STX8: variants seen among roughly 807,000 people sequenced by gnomAD.
STX8 encodes syntaxin 8.
In STX8, 23 loss-of-function variants were observed where a neutral mutation model predicts 37.5. The ratio of observed to expected loss-of-function variants is 0.61; its 90% confidence interval spans 0.44 to 0.87. The LOEUF (loss-of-function observed/expected upper bound fraction) is 0.87. Among genes scored for constraint, STX8 ranks in the 40% least tolerant of loss-of-function variants. STX8 has a pLI of 0.00. For synonymous variants in STX8, 115 were observed against 99.1 expected (o/e 1.16, Z -0.95); for missense variants, 313 against 284.7 (o/e 1.10, Z -0.71).
At chr17:9,260,394 C>T (rs761015845) in intron 7 of STX8, among the ~76,000 whole-genome samples, 3 of 152,082 alleles carry the variant, frequency 2.0e-5, no homozygotes, top group Non-Finnish European at 2.9e-5. Flanking sequence ...GAGGCCAAGG[C>T]GGGCGGATCC....
At chr17:9,291,245 G>A (rs1380479846) in intron 7 of STX8, among the ~76,000 whole-genome samples, 3 of 151,994 alleles carry the variant, frequency 2.0e-5, no homozygotes, top group African/African-American at 4.8e-5. Flanking sequence ...AGGAGTTCAC[G>A]ACTAACCTGG....
chr17:9,302,549 C>A (rs1908823926), intron 7 of STX8, among the ~76,000 whole-genome samples: 1 of 152,106 alleles, frequency 6.6e-6, no homozygotes, highest in East Asian at 1.9e-4. Context: ...CCACCCTGCT[C>A]TAAAAGCTCT....
At chr17:9,280,424 G>A (rs1907841301) in intron 7 of STX8, among the ~76,000 whole-genome samples, 1 of 152,056 alleles carries the variant, frequency 6.6e-6, no homozygotes, top group South Asian at 2.1e-4. Flanking sequence ...GTGGTGGCGG[G>A]CGCCTGTAAT....
At chr17:9,467,695 G>A (rs915036354) in intron 6 of STX8, among the ~76,000 whole-genome samples, 15 of 152,182 alleles carry the variant, frequency 9.9e-5, no homozygotes, top group African/African-American at 2.9e-4. Flanking sequence ...TGAAGAGGGC[G>A]TTGTGCTGCT....
intron 6 of STX8, among the ~76,000 whole-genome samples, chr17:9,414,152 A>ATCCGTCCATCTG (rs1913096639): frequency 2.5e-5 from 1 of 40,626 alleles, no homozygotes; most frequent in Non-Finnish European, 5.3e-5. Flanking sequence ...CCATCCATCC[A>ATCCGTCCATCTG]TCCATGAAAG....
intron 6 of STX8, among the ~76,000 whole-genome samples, chr17:9,440,827 A>AT (rs140873719): frequency 0.043 from 6,466 of 151,834 alleles, 418 homozygotes; most frequent in African/African-American, 0.14. Context: ...ATCCAGCCTG[A>AT]TTTTTTTTTA....
chr17:9,333,031 G>A (rs556142634), intron 7 of STX8, among the ~76,000 whole-genome samples: 9 of 152,224 alleles, frequency 5.9e-5, no homozygotes, highest in East Asian at 1.9e-4. Context: ...GAAGATATGC[G>A]TCCAAGTTTC....
At chr17:9,304,773 C>A (rs1340355566) in intron 7 of STX8, among the ~76,000 whole-genome samples, 1 of 151,936 alleles carries the variant, frequency 6.6e-6, no homozygotes, top group Non-Finnish European at 1.5e-5. Flanking sequence ...GAGTATAAAA[C>A]CACTTTGGAG....
intron 4 of STX8, among the ~76,000 whole-genome samples, chr17:9,537,595 A>ACATGTGCTGAATCAACAAC (rs1906110391): frequency 1.3e-5 from 2 of 152,222 alleles, no homozygotes; most frequent in Non-Finnish European, 2.9e-5. Context: ...CTGTCAACAA[A>ACATGTGCTGAATCAACAAC]CATGTGCTGA....
At chr17:9,542,364 AAAAC>A (rs888044268) in intron 4 of STX8, among the ~76,000 whole-genome samples, 14 of 147,004 alleles carry the variant, frequency 9.5e-5, no homozygotes, top group African/African-American at 3.5e-4. Context: ...TCTCAAAAAC[AAAAC>A]AAACAAAAAC....
chr17:9,525,570 T>A (rs569008520), intron 4 of STX8, among the ~76,000 whole-genome samples: 1 of 151,860 alleles, frequency 6.6e-6, no homozygotes, highest in Admixed American at 6.6e-5. Context: ...ATGGTCTCGA[T>A]CTCCTGACCT....
At chr17:9,520,422 A>C (rs1041010865) in intron 4 of STX8, among the ~76,000 whole-genome samples, 3 of 152,226 alleles carry the variant, frequency 2.0e-5, no homozygotes, top group Non-Finnish European at 4.4e-5. Flanking sequence ...AAGGAAATTA[A>C]AGAAAGGAAA....
intron 7 of STX8, among the ~76,000 whole-genome samples, chr17:9,370,882 C>T (rs957749724): frequency 2.0e-5 from 3 of 150,502 alleles, no homozygotes; most frequent in African/African-American, 7.4e-5. Context: ...CATAGAGGTA[C>T]CAGTGGAAAA....
At chr17:9,575,658 A>G (rs1474501606) in intron 1 of STX8, 134 bp downstream of exon 1, 1 of 1,117,898 alleles carries the variant, frequency 8.9e-7, no homozygotes, top group Non-Finnish European at 1.3e-6. Context: ...CCCCCTCAGT[A>G]AAGGAAAGGT....
At chr17:9,426,635 C>T (rs192260656) in intron 6 of STX8, among the ~76,000 whole-genome samples, 2 of 150,182 alleles carry the variant, frequency 1.3e-5, no homozygotes, top group African/African-American at 2.4e-5. Flanking sequence ...GTGGCACATG[C>T]CTGTGGTCTT....
chr17:9,442,659 C>T (rs1376061563), intron 6 of STX8, among the ~76,000 whole-genome samples: 1 of 152,306 alleles, frequency 6.6e-6, no homozygotes, highest in Non-Finnish European at 1.5e-5. Context: ...TTGCCCAACT[C>T]GACCTCCCAA....
intron 6 of STX8, among the ~76,000 whole-genome samples, chr17:9,439,468 G>A (rs949986663): frequency 6.6e-6 from 1 of 151,746 alleles, no homozygotes; most frequent in Non-Finnish European, 1.5e-5. Context: ...ATCTTCAATA[G>A]TCATATCTTC....
chr17:9,327,588 T>C (rs537135529), intron 7 of STX8, among the ~76,000 whole-genome samples: 140 of 152,204 alleles, frequency 9.2e-4, no homozygotes, highest in African/African-American at 3.2e-3. Context: ...TCTCTCTGTG[T>C]GGCATTCCTT....
At chr17:9,273,284 G>A (rs995422767) in intron 7 of STX8, 2 of 152,258 alleles carry the variant, frequency 1.3e-5, no homozygotes, top group African/African-American at 4.8e-5. Flanking sequence ...CCTCGAACGA[G>A]AGCAACTGGA....
Sources: gnomAD v4.1 joint callset for allele counts (sites outside exome capture counted in the v4.1 genomes callset) on GRCh38, gnomAD v4.1.1 for gene constraint, MANE v1.5 for transcripts, NCBI Gene and HGNC (gene_info 2026-07-23, HGNC 2026-07-21) for gene names.